RABEP1: variants seen among roughly 807,000 people sequenced by gnomAD.
RABEP1 encodes the protein rabaptin, RAB GTPase binding effector protein 1.
Under a neutral mutation model 123.4 loss-of-function variants are expected in RABEP1, and 51 were observed. The observed-to-expected ratio is 0.41, with a 90% CI of 0.33 to 0.52. RABEP1 has a LOEUF of 0.52. Ranked by LOEUF, RABEP1 falls within the 20% of genes least tolerant of loss-of-function variation. The pLI, the probability that RABEP1 is intolerant of heterozygous loss-of-function variation, is 0.16. For synonymous variants in RABEP1, 347 were observed against 355.2 expected (o/e 0.98, Z 0.26); for missense variants, 888 against 996.3 (o/e 0.89, Z 1.46).
At chr17:5,374,143 T>G (rs1410359460) in intron 13 of RABEP1, among the ~76,000 whole-genome samples, 1 of 152,156 alleles carries the variant, frequency 6.6e-6, no homozygotes, top group African/African-American at 2.4e-5. Context: ...CTCTGCTCAC[T>G]GCAACCTCCG....
chr17:5,384,884 G>A lies in RABEP1; in HGVS notation c.*1661G>A, dbSNP rs895856929. The stretch of plus-strand genomic sequence containing the variant: ...ATAAAATGCAATCAATTTAAATTAC[G>A]TAGGTTTAAGACTAGTCCCTTGGAT... On this transcript the variant is annotated 3_prime_UTR_variant, in exon 18 of 18. Transcript: ENST00000537505. 2.7e-5 allele frequency: 6 copies of A among 220,788 alleles called. No homozygotes were observed. The highest frequency in any genetic ancestry group is 4.5e-5 in the African/African-American group (2 of 44,696). 13.7% of individuals were successfully genotyped at this position (220,788 alleles called of 1,614,324 possible).
intron 8 of RABEP1, among the ~76,000 whole-genome samples, chr17:5,359,600 G>A (rs1176274228): frequency 6.6e-6 from 1 of 151,960 alleles, no homozygotes; most frequent in Admixed American, 6.6e-5. Context: ...AGTTTCAGAT[G>A]AGTAACAATC....
In RABEP1 at chr17:5,327,036, T is replaced by C. The variant is rs78393668; in HGVS notation, c.164-4913T>C. ...AATGCTGTAAGCAGTTACAACACAG[T>C]GATATTTTTGTATTAAACATAGCTA... is the stretch of plus-strand genomic sequence containing the variant. On this transcript the variant is annotated intron_variant, in intron 2 of 17. Transcript: ENST00000537505. 5.1e-4 allele frequency among the ~76,000 whole-genome samples: 77 copies of C among 152,244 alleles called. 1 individual carries two copies. The East Asian group carries it at 0.011, about 22-fold the overall frequency.
intron 7 of RABEP1, among the ~76,000 whole-genome samples, chr17:5,350,868 A>T (rs751437539): frequency 1.3e-5 from 2 of 152,190 alleles, no homozygotes; most frequent in Non-Finnish European, 2.9e-5. Flanking sequence ...TGACTGCAGG[A>T]TGCAGCAGTG....
rs2075206104 is a variant in RABEP1, at chr17:5,308,776, T to G, written c.117T>G (p.Phe39Leu). ...LRAQQQLEQE[F>L]NQKRAKFKEL... ...CACAACAGCAGCTTGAACAAGAATT[T>G]AATCAAAAGAGAGCAAAATTTAAGG... The change falls in exon 2 of 18, where the codon TTT becomes TTG. Residue 39 changes from phenylalanine (F) to leucine (L), a missense_variant. Transcript: ENST00000537505. 1 of 1,611,380 alleles carries G rather than the reference T, an allele frequency of 6.2e-7. No individual in the cohort carries two copies. The highest frequency in any genetic ancestry group is 1.3e-5 in the African/African-American group (1 of 74,972).
At chr17:5,296,958 C>T (rs751709364) in intron 1 of RABEP1, among the ~76,000 whole-genome samples, 12 of 151,934 alleles carry the variant, frequency 7.9e-5, no homozygotes, top group South Asian at 4.2e-4. Flanking sequence ...AGACTGGTCT[C>T]GAACTCTTGG....
chr17:5,343,234 G>A (rs1193435764), intron 5 of RABEP1, among the ~76,000 whole-genome samples: 1 of 151,934 alleles, frequency 6.6e-6, no homozygotes, highest in Non-Finnish European at 1.5e-5. Context: ...CCTAGGCGAC[G>A]AGTGAAACTC....
chr17:5,308,847 C>A, intron 2 of RABEP1, 25 bp downstream of exon 2: 1 of 1,565,510 alleles, frequency 6.4e-7, no homozygotes. Context: ...CTCGCACCAA[C>A]TTCAATGCGA....
intron 13 of RABEP1, among the ~76,000 whole-genome samples, chr17:5,373,867 A>G (rs1485934006): frequency 6.6e-6 from 1 of 152,092 alleles, no homozygotes; most frequent in African/African-American, 2.4e-5. Context: ...GAATCATACG[A>G]TATGTGGTCT....
At chr17:5,323,899 C>T (rs866453896) in intron 2 of RABEP1, among the ~76,000 whole-genome samples, 1 of 115,426 alleles carries the variant, frequency 8.7e-6, no homozygotes, top group Non-Finnish European at 1.8e-5. Context: ...ACCAAAGAAG[C>T]GAAAGATCTG....
intron 11 of RABEP1, among the ~76,000 whole-genome samples, chr17:5,367,515 C>G (rs186713380): frequency 1.3e-5 from 2 of 151,694 alleles, no homozygotes; most frequent in Non-Finnish European, 2.9e-5. Context: ...GTGATCCATC[C>G]GCCTCGGCCT....
At chr17:5,342,962 A>G (rs1907742617) in intron 5 of RABEP1, among the ~76,000 whole-genome samples, 1 of 152,196 alleles carries the variant, frequency 6.6e-6, no homozygotes, top group Non-Finnish European at 1.5e-5. Flanking sequence ...ATGGATTGTT[A>G]AAAAATACCC....
In RABEP1 at chr17:5,316,808, C is replaced by T. The variant is rs143398751; in HGVS notation, c.163+7986C>T. On this transcript the variant is annotated intron_variant, in intron 2 of 17. Coordinates refer to ENST00000537505, the MANE Select transcript of RABEP1 (RefSeq NM_004703.6). ...AGATCGCGCTACTGCACTCCAGCCT[C>T]GGTGACAGAGCAAGACTCTGTCTCA... 6.5e-3 allele frequency among the ~76,000 whole-genome samples: 755 copies of T among 116,612 alleles called. 7 individuals carry two copies. The highest frequency in any genetic ancestry group is 0.012 in the African/African-American group (338 of 29,016). 76.5% of individuals were successfully genotyped at this position (116,612 alleles called of 152,430 possible).
chr17:5,338,836 T>G (rs1261600074), intron 5 of RABEP1, among the ~76,000 whole-genome samples: 1 of 152,130 alleles, frequency 6.6e-6, no homozygotes, highest in Admixed American at 6.6e-5. Flanking sequence ...CTGAATTTGT[T>G]GGCCATAAAG....
At chr17:5,353,274 A>T (rs1908724378) in intron 7 of RABEP1, among the ~76,000 whole-genome samples, 1 of 152,084 alleles carries the variant, frequency 6.6e-6, no homozygotes, top group Non-Finnish European at 1.5e-5. Context: ...TGGCAAACTT[A>T]CCTTACTGAT....
At chr17:5,311,141 C>T (rs551820586) in intron 2 of RABEP1, among the ~76,000 whole-genome samples, 12 of 152,068 alleles carry the variant, frequency 7.9e-5, no homozygotes, top group Non-Finnish European at 1.3e-4. Context: ...TAATAGGGTT[C>T]GTTAAAACAA....
Position 5,310,301 on chromosome 17 carries a change from C to CTTT in RABEP1, c.163+1495_163+1497dup, listed in dbSNP as rs11432831. Among the ~76,000 whole-genome samples, 392 of 126,380 alleles carry CTTT rather than the reference C, an allele frequency of 3.1e-3. 70 individuals are homozygous for CTTT. The highest frequency in any genetic ancestry group is 8.4e-3 in the South Asian group (33 of 3,934). 82.9% of individuals were successfully genotyped at this position (126,380 alleles called of 152,430 possible). On this transcript the variant is annotated intron_variant, in intron 2 of 17. Transcript: ENST00000537505. ...TTACAATTTAAATGAAAGCTTCGTC[C>CTTT]TTTTTTTTTTTTTTTTTTGAGATGG...
At chr17:5,316,899 A>T (rs538350623) in intron 2 of RABEP1, among the ~76,000 whole-genome samples, 459 of 150,680 alleles carry the variant, frequency 3.0e-3, no homozygotes, top group Middle Eastern at 0.01. Context: ...AAATTTAAAA[A>T]TTTTTTTTTA....
intron 2 of RABEP1, among the ~76,000 whole-genome samples, chr17:5,327,302 C>T (rs1175916375): frequency 6.7e-6 from 1 of 149,858 alleles, no homozygotes; most frequent in Non-Finnish European, 1.5e-5. Flanking sequence ...GAGCCGAGAT[C>T]ATGCCACTGC....
Sources: gnomAD v4.1 joint callset for allele counts (sites outside exome capture counted in the v4.1 genomes callset) on GRCh38, gnomAD v4.1.1 for gene constraint, MANE v1.5 for transcripts, NCBI Gene and HGNC (gene_info 2026-07-23, HGNC 2026-07-21) for gene names.